Variants in TTLL5 observed in about 807,000 individuals in gnomAD.
TTLL5 encodes the protein tubulin polyglutamylase TTLL5.
In TTLL5, 132 loss-of-function variants were observed where a neutral mutation model predicts 168.4. That is an observed-to-expected ratio of 0.78 (90% CI 0.68 to 0.91). The LOEUF (loss-of-function observed/expected upper bound fraction) is 0.91, where lower values mean the gene tolerates loss of function less well. Among genes scored for constraint, TTLL5 ranks in the 40% least tolerant of loss-of-function variants. The pLI, the probability that TTLL5 is intolerant of heterozygous loss-of-function variation, is 0.00. For missense variants in TTLL5, 1,545 were observed against 1,581.5 expected (o/e 0.98, Z 0.39); for synonymous variants, 546 against 558.6 (o/e 0.98, Z 0.32).
chr14:75,791,787 A>G (rs1254984477), intron 26 of TTLL5, among the ~76,000 whole-genome samples: 1 of 152,206 alleles, frequency 6.6e-6, no homozygotes, highest in Non-Finnish European at 1.5e-5. Flanking sequence ...CAGAATGATC[A>G]TTGTTATATT....
chr14:75,713,911 CTA>C (rs1340705996), intron 9 of TTLL5, among the ~76,000 whole-genome samples: 1 of 151,800 alleles, frequency 6.6e-6, no homozygotes, highest in Non-Finnish European at 1.5e-5. Flanking sequence ...ACCTTTTACC[CTA>C]TGTCTAGAGA....
rs116372062 is a variant in TTLL5 at position 75,786,211 on chromosome 14, C to T, written c.2986+2681C>T. ...TTCTTGTGATTTAATTTTCTAAAAT[C>T]GGTAATAATAATGATCAATAATGTT... On this transcript the variant is annotated intron_variant, in intron 26 of 31. Transcript: ENST00000298832. Among the ~76,000 whole-genome samples the T allele has an allele frequency of 6.8e-3, 1,037 of 152,064 alleles. 17 individuals are homozygous for T. Among genetic ancestry groups the T allele is most frequent in the African/African-American group, 0.024 (979 of 41,486 alleles).
rs769668574 is a variant in TTLL5 at position 75,783,492 on chromosome 14, A to G, written c.2948A>G (p.Tyr983Cys). Residue 983 changes from tyrosine to cysteine, a missense_variant, in exon 26 of 32, where the codon TAT (tyrosine) becomes TGT (cysteine). By Grantham distance (194) the Tyr-to-Cys change is radical (BLOSUM62 -2). Coordinates refer to ENST00000298832, the MANE Select transcript of TTLL5 (RefSeq NM_015072.5). ...TCCTTCCAAAGTGCTGCACACATCT[A>G]TAGCCAGAAACTGTCTCGTCCCTCT... ...FSSFQSAAHI[Y>C]SQKLSRPSSA... is the part of the protein sequence containing the mutation. 4.3e-6 allele frequency: 7 copies of G among 1,614,178 alleles called. No homozygotes were observed. The South Asian group carries it at 4.4e-5, about 10-fold the overall frequency.
chr14:75,950,386 C>T (rs1022205187), intron 31 of TTLL5, among the ~76,000 whole-genome samples: 1 of 152,152 alleles, frequency 6.6e-6, no homozygotes. Context: ...CCAGAAAGTG[C>T]AAACCATAAA....
chr14:75,873,465 A>G (rs1046425928), intron 29 of TTLL5, among the ~76,000 whole-genome samples: 1 of 152,082 alleles, frequency 6.6e-6, no homozygotes, highest in Non-Finnish European at 1.5e-5. Context: ...GACAATCACC[A>G]TTCTACTTTC....
chr14:75,709,115 T>C lies in TTLL5; in HGVS notation c.740+1408T>C. The C allele has an allele frequency of 5.6e-6, 4 of 717,522 alleles. No individual in the cohort carries two copies. The Admixed American group carries it at 7.9e-5, about 14-fold the overall frequency. 44.4% of individuals were successfully genotyped at this position (717,522 alleles called of 1,614,324 possible). A position where few individuals can be genotyped will look rare whatever the true frequency, so the allele number is the denominator to read the frequency against. On this transcript the variant is annotated intron_variant, in intron 9 of 31. Transcript: ENST00000298832. ...AAAGCATAGCAGTTTAGGAGGTGAT[T>C]TGCATCTGTGAGTGGTCACGACAAG...
Position 75,783,504 on chromosome 14 carries a change from T to G in TTLL5, c.2960T>G (p.Leu987Arg), listed in dbSNP as rs1216212540. 6.2e-7 allele frequency: 1 copy of G among 1,614,014 alleles called. No homozygotes were observed. The stretch of plus-strand genomic sequence containing the variant: ...GCTGCACACATCTATAGCCAGAAAC[T>G]GTCTCGTCCCTCTTCAGCAAAGGCA... Reference protein sequence around the residue: ...QSAAHIYSQKLSRPSSAKAGS... With the variant: ...QSAAHIYSQKRSRPSSAKAGS... Residue 987 changes from leucine to arginine, a missense_variant, in exon 26 of 32, where the codon CTG becomes CGG. Transcript: ENST00000298832.
chr14:75,699,610 G>C (rs529366458), intron 7 of TTLL5, among the ~76,000 whole-genome samples: 1 of 152,320 alleles, frequency 6.6e-6, no homozygotes, highest in South Asian at 2.1e-4. Flanking sequence ...TATGTGTTTA[G>C]CATCTGTTGT....
chr14:75,863,275 A>G (rs1314793480), intron 28 of TTLL5, among the ~76,000 whole-genome samples: 2 of 152,246 alleles, frequency 1.3e-5, no homozygotes, highest in East Asian at 3.8e-4. Flanking sequence ...GATGTTAGAG[A>G]AAATGATCAT....
rs79851894 is a variant in TTLL5, at chr14:75,718,843, C to T, written c.842+881C>T. Among the ~76,000 whole-genome samples the T allele has an allele frequency of 8.3e-4, 127 of 152,210 alleles. No homozygotes were observed. In the East Asian group the frequency reaches 0.022, roughly 26 times the overall value. On this transcript the variant is annotated intron_variant, in intron 10 of 31. Coordinates refer to ENST00000298832, the MANE Select transcript of TTLL5 (RefSeq NM_015072.5). ...GAAAAGAGACCCAAATAGTTACTTT[C>T]TACTCAGACTAAAAATAGGTTCCTA... is the stretch of plus-strand genomic sequence containing the variant.
At chr14:75,669,841 C>T (rs1883586297) in intron 3 of TTLL5, among the ~76,000 whole-genome samples, 1 of 152,056 alleles carries the variant, frequency 6.6e-6, no homozygotes, top group Non-Finnish European at 1.5e-5. Flanking sequence ...GTGCAGCCGT[C>T]ACCACTGTTT....
chr14:75,706,273 A>G (rs1886654285), intron 7 of TTLL5, among the ~76,000 whole-genome samples: 1 of 152,204 alleles, frequency 6.6e-6, no homozygotes, highest in African/African-American at 2.4e-5. Flanking sequence ...GTTCTTTTAA[A>G]TTCTATATTT....
intron 28 of TTLL5, among the ~76,000 whole-genome samples, chr14:75,828,657 C>T (rs1369489412): frequency 6.6e-6 from 1 of 152,180 alleles, no homozygotes; most frequent in Non-Finnish European, 1.5e-5. Context: ...ACTGTACATT[C>T]TTTTGAAACT....
chr14:75,771,661 G>T, intron 20 of TTLL5, 73 bp from the exon 21 acceptor site: 1 of 1,591,956 alleles, frequency 6.3e-7, no homozygotes, highest in Non-Finnish European at 8.6e-7. Context: ...AGGCCACTTG[G>T]AGAGAAGCAA....
At chr14:75,667,334 C>T (rs1883335913) in intron 2 of TTLL5, among the ~76,000 whole-genome samples, 2 of 152,200 alleles carry the variant, frequency 1.3e-5, no homozygotes, top group African/African-American at 4.8e-5. Context: ...GGATAGTTTC[C>T]AGAGTTCCTG....
At chr14:75,785,269 C>T (rs1161935157) in intron 26 of TTLL5, among the ~76,000 whole-genome samples, 4 of 151,086 alleles carry the variant, frequency 2.6e-5, no homozygotes, top group Non-Finnish European at 5.9e-5. Context: ...CATCTTCCAC[C>T]TCCAGGTTCA....
intron 27 of TTLL5, among the ~76,000 whole-genome samples, chr14:75,804,661 T>A (rs1363481240): frequency 6.6e-6 from 1 of 152,242 alleles, no homozygotes; most frequent in Admixed American, 6.5e-5. Context: ...TTTTACCATA[T>A]ACATTATTCT....
At chr14:75,803,526 T>C (rs1382313752) in intron 27 of TTLL5, among the ~76,000 whole-genome samples, 1 of 152,206 alleles carries the variant, frequency 6.6e-6, no homozygotes, top group African/African-American at 2.4e-5. Flanking sequence ...AGATAAATGT[T>C]CTCAACTACC....
chr14:75,912,800 T>C (rs2033444052), intron 31 of TTLL5, among the ~76,000 whole-genome samples: 1 of 152,198 alleles, frequency 6.6e-6, no homozygotes, highest in Admixed American at 6.5e-5. Flanking sequence ...AATAGTAGCT[T>C]CTCAGTCAAC....
Sources: gnomAD v4.1 joint callset for allele counts (sites outside exome capture counted in the v4.1 genomes callset) on GRCh38, gnomAD v4.1.1 for gene constraint, MANE v1.5 for transcripts, NCBI Gene and HGNC (gene_info 2026-07-23, HGNC 2026-07-21) for gene names.